MFHAS1: variants seen among roughly 807,000 people sequenced by gnomAD.
MFHAS1 encodes multifunctional ROCO family signaling regulator 1.
Under a neutral mutation model 70.4 loss-of-function variants are expected in MFHAS1, and 50 were observed. That is an observed-to-expected ratio of 0.71 (90% CI 0.57 to 0.90). The LOEUF (loss-of-function observed/expected upper bound fraction) is 0.90, where lower values mean the gene tolerates loss of function less well. Ranked by LOEUF, MFHAS1 falls within the 40% of genes least tolerant of loss-of-function variation. The pLI is 0.00. For synonymous variants in MFHAS1, 952 were observed against 620.0 expected (o/e 1.54, Z -7.96); for missense variants, 1,795 against 1,347.6 (o/e 1.33, Z -5.20).
intron 1 of MFHAS1, among the ~76,000 whole-genome samples, chr8:8,860,408 C>A (rs1426913514): frequency 6.6e-6 from 1 of 152,202 alleles, no homozygotes; most frequent in Non-Finnish European, 1.5e-5. Context: ...AGAAAATACG[C>A]CAGTTAGGAA....
At chr8:8,789,105 G>A (rs1805644826) in intron 2 of MFHAS1, among the ~76,000 whole-genome samples, 1 of 151,994 alleles carries the variant, frequency 6.6e-6, no homozygotes, top group South Asian at 2.1e-4. Context: ...TCAGTCACAG[G>A]AACCTTGGCA....
chr8:8,845,847 A>G (rs1023018208), intron 1 of MFHAS1, among the ~76,000 whole-genome samples: 1 of 152,130 alleles, frequency 6.6e-6, no homozygotes, highest in Admixed American at 6.5e-5. Flanking sequence ...AGTTCAATAA[A>G]TAGCAACTCC....
intron 1 of MFHAS1, among the ~76,000 whole-genome samples, chr8:8,833,453 A>T (rs1183599617): frequency 6.6e-6 from 1 of 151,960 alleles, no homozygotes; most frequent in Non-Finnish European, 1.5e-5. Flanking sequence ...ACACAGGGAG[A>T]CCCCATGTCT....
intron 1 of MFHAS1, among the ~76,000 whole-genome samples, chr8:8,852,622 C>G (rs897379053): frequency 6.6e-6 from 1 of 152,152 alleles, no homozygotes; most frequent in Admixed American, 6.5e-5. Context: ...TGGACACCAT[C>G]GCCCTTCATT....
In MFHAS1 at chr8:8,892,702, G is replaced by C. The variant is rs1211213192; in HGVS notation, c.357C>G (p.Ser119Arg). ...CGCCCAGGGCGGTCAGCCGGTTGTGGCTCACGTCCAGCTCGGTGAGGTGGT... is the reference window on the plus strand; with the variant it reads ...CGCCCAGGGCGGTCAGCCGGTTGTGCCTCACGTCCAGCTCGGTGAGGTGGT... ...LGHHLTELDV[S>R]HNRLTALGAE... Residue 119 changes from serine (S) to arginine (R), a missense_variant, in exon 1 of 3, where the codon AGC becomes AGG. Physicochemically the swap from Ser to Arg is moderately radical, Grantham distance 110. Coordinates refer to ENST00000276282, the MANE Select transcript of MFHAS1 (RefSeq NM_004225.3). The surrounding 1 kb of genome is among the most constrained non-coding windows in gnomAD (Gnocchi z 4.7). 6.3e-7 allele frequency: 1 copy of C among 1,581,356 alleles called. No homozygotes were observed. The highest frequency in any genetic ancestry group is 8.6e-7 in the Non-Finnish European group (1 of 1,163,960).
chr8:8,836,820 C>T (rs987362730), intron 1 of MFHAS1, among the ~76,000 whole-genome samples: 3 of 152,176 alleles, frequency 2.0e-5, no homozygotes, highest in African/African-American at 7.2e-5. Flanking sequence ...AATTCTGATT[C>T]CCTTTCCCAT....
rs199600044 is a variant in MFHAS1, at chr8:8,848,410, AAAAG to A, written c.2998+41647_2998+41650del. Among the ~76,000 whole-genome samples the A allele has an allele frequency of 6.4e-3, 976 of 152,030 alleles. 6 individuals are homozygous for A. Among genetic ancestry groups the A allele is most frequent in the African/African-American group, 0.016 (668 of 41,448 alleles). On this transcript the variant is annotated intron_variant, in intron 1 of 2. Transcript: ENST00000276282. ...CCTAAAGAGGAAGAAAAAAAAAAAAAAAAGAAGCCATGCCATCCCACTTCATTTT... is the reference window on the plus strand; with the variant it reads ...CCTAAAGAGGAAGAAAAAAAAAAAAAAAGCCATGCCATCCCACTTCATTTT...
At position 8,892,153 on chromosome 8, in the gene MFHAS1, G is replaced by A. The variant is rs1404011236; in HGVS notation, c.906C>T (p.Tyr302=). The A allele has an allele frequency of 1.2e-6, 2 of 1,611,376 alleles. No individual in the cohort carries two copies. The highest frequency in any genetic ancestry group is 1.6e-4 in the Middle Eastern group (1 of 6,062). Residue 302 remains tyrosine (Y), a synonymous_variant, in exon 1 of 3, where the codon TAC becomes TAT. Transcript: ENST00000276282. The surrounding 1 kb of genome is among the most constrained non-coding windows in gnomAD (Gnocchi z 4.7). The part of the protein sequence containing the change: ...LLPLAGLEEL[Y]LSRNQLTSVP... Reference sequence around the variant, plus strand: ...CCGAGGTGAGCTGGTTGCGACTAAGGTAGAGCTCCTCCAGACCAGCCAGGG... The same window carrying A: ...CCGAGGTGAGCTGGTTGCGACTAAGATAGAGCTCCTCCAGACCAGCCAGGG...
At chr8:8,871,380 T>G (rs1185738743) in intron 1 of MFHAS1, among the ~76,000 whole-genome samples, 1 of 152,070 alleles carries the variant, frequency 6.6e-6, no homozygotes, top group African/African-American at 2.4e-5. Flanking sequence ...TGAAACCCAG[T>G]TTCTACTAAA....
At chr8:8,790,514 CT>C in intron 2 of MFHAS1, 2 of 325,858 alleles carry the variant, frequency 6.1e-6, no homozygotes, top group Non-Finnish European at 8.8e-6. Flanking sequence ...TTCCTCCTAG[CT>C]TGTTAAAACA....
intron 1 of MFHAS1, among the ~76,000 whole-genome samples, chr8:8,839,185 A>T (rs1281266426): frequency 2.0e-5 from 3 of 150,126 alleles, no homozygotes; most frequent in African/African-American, 7.3e-5. Context: ...AGAGAGAATT[A>T]AAAAAAAAAT....
intron 1 of MFHAS1, among the ~76,000 whole-genome samples, chr8:8,841,870 T>C (rs959529859): frequency 2.6e-5 from 4 of 152,318 alleles, no homozygotes; most frequent in Admixed American, 1.3e-4. Context: ...AAATATGCCA[T>C]CCTACTTTGG....
At chr8:8,824,824 G>C (rs980139931) in intron 1 of MFHAS1, among the ~76,000 whole-genome samples, 4 of 152,218 alleles carry the variant, frequency 2.6e-5, no homozygotes, top group Admixed American at 6.5e-5. Flanking sequence ...GCAAGTTGGA[G>C]GCAAGGCCCC....
intron 1 of MFHAS1, among the ~76,000 whole-genome samples, chr8:8,887,196 G>A (rs1380590694): frequency 1.3e-5 from 2 of 152,100 alleles, no homozygotes; most frequent in Admixed American, 6.6e-5. Context: ...GGTTTCTGCT[G>A]AATTAATATA....
At position 8,838,464 on chromosome 8, in the gene MFHAS1, C is replaced by T. The variant is rs574460427; in HGVS notation, c.2999-40973G>A. On this transcript the variant is annotated intron_variant, in intron 1 of 2. Coordinates refer to ENST00000276282, the MANE Select transcript of MFHAS1 (RefSeq NM_004225.3). ...TTTCATATTGAAAGATGAAAAGAAGCGAAGCTGTCCTTCTTCCCCCTATAC... is the reference window on the plus strand; with the variant it reads ...TTTCATATTGAAAGATGAAAAGAAGTGAAGCTGTCCTTCTTCCCCCTATAC... 3.3e-5 allele frequency among the ~76,000 whole-genome samples: 5 copies of T among 152,258 alleles called. No homozygotes were observed. In the South Asian group the frequency reaches 8.3e-4, roughly 25 times the overall value.
At chr8:8,793,921 C>T (rs1178209162) in intron 2 of MFHAS1, among the ~76,000 whole-genome samples, 1 of 152,158 alleles carries the variant, frequency 6.6e-6, no homozygotes, top group African/African-American at 2.4e-5. Flanking sequence ...GGCACGGTGG[C>T]TCATGCCTGT....
At position 8,891,603 on chromosome 8, in the gene MFHAS1, C is replaced by G. The variant is rs756717716; in HGVS notation, c.1456G>C (p.Val486Leu). Reference protein sequence around the residue: ...YDLAGDESYEVIQPFFLSPGA... With the variant: ...YDLAGDESYELIQPFFLSPGA... ...GGGGACAGGAAGAAGGGCTGGATCACCTCATAACTTTCATCCCCAGCTAAG... is the reference window on the plus strand; with the variant it reads ...GGGGACAGGAAGAAGGGCTGGATCAGCTCATAACTTTCATCCCCAGCTAAG... Residue 486 changes from valine to leucine, a missense_variant, in exon 1 of 3, where the codon GTG becomes CTG. Transcript: ENST00000276282. The surrounding 1 kb of genome is among the most constrained non-coding windows in gnomAD (Gnocchi z 5.4). 4.3e-6 allele frequency: 7 copies of G among 1,613,358 alleles called. No homozygotes were observed. Among genetic ancestry groups the G allele is most frequent in the Non-Finnish European group, 5.9e-6 (7 of 1,180,040 alleles).
intron 1 of MFHAS1, among the ~76,000 whole-genome samples, chr8:8,884,936 G>C (rs1053481513): frequency 2.6e-5 from 4 of 152,050 alleles, no homozygotes; most frequent in Admixed American, 6.6e-5. Context: ...CTCGGTGACA[G>C]AGTGAGACCC....
At chr8:8,837,914 C>G (rs1377575881) in intron 1 of MFHAS1, among the ~76,000 whole-genome samples, 1 of 152,136 alleles carries the variant, frequency 6.6e-6, no homozygotes, top group Non-Finnish European at 1.5e-5. Flanking sequence ...TGTGACCCAC[C>G]ATTCCACCCC....
Sources: gnomAD v4.1 joint callset for allele counts (sites outside exome capture counted in the v4.1 genomes callset) on GRCh38, gnomAD v4.1.1 for gene constraint, Gnocchi (gnomAD v3.1) non-coding constraint, MANE v1.5 for transcripts, NCBI Gene and HGNC (gene_info 2026-07-23, HGNC 2026-07-21) for gene names.